ST7: variants seen among roughly 807,000 people sequenced by gnomAD.
ST7 encodes the protein suppressor of tumorigenicity 7 protein.
Under a neutral mutation model 78.7 loss-of-function variants are expected in ST7, and 28 were observed. The observed-to-expected ratio is 0.36, with a 90% CI of 0.26 to 0.49. The LOEUF is 0.49. ST7 is among the 20% of genes least tolerant of loss of function. ST7 has a pLI of 0.99. For synonymous variants in ST7, 247 were observed against 249.6 expected, an observed-to-expected ratio of 0.99 and a Z score of 0.10; for missense variants, 418 against 696.0, an observed-to-expected ratio of 0.60 and a Z score of 4.49.
chr7:116,997,712 C>G (rs1794730876), intron 1 of ST7, among the ~76,000 whole-genome samples: 1 of 152,178 alleles, frequency 6.6e-6, no homozygotes, highest in Non-Finnish European at 1.5e-5. Flanking sequence ...GTTTACAAAC[C>G]TTGAGCTAGA....
Position 116,953,672 on chromosome 7 carries a change from C to T in ST7, c.132C>T (p.Ile44=). 3 of 1,497,088 alleles carry T rather than the reference C, an allele frequency of 2.0e-6. No homozygotes were observed. The highest frequency in any genetic ancestry group is 2.7e-6 in the Non-Finnish European group (3 of 1,109,990). 92.7% of individuals were successfully genotyped at this position (1,497,088 alleles called of 1,614,324 possible). A position where few individuals can be genotyped will look rare whatever the true frequency, so the allele number is the denominator to read the frequency against. The change falls in exon 1 of 16, where the codon ATC becomes ATT. Residue 44 remains isoleucine (I), a synonymous_variant. Transcript: ENST00000323984. ...LVYILRVPLK[I]NDNLSTVSMF... Reference sequence around the variant, plus strand: ...ACATCCTGCGGGTGCCTTTGAAAATCAACGACAACTTGAGCACAGGTAAGG... The same window carrying T: ...ACATCCTGCGGGTGCCTTTGAAAATTAACGACAACTTGAGCACAGGTAAGG...
At chr7:116,958,239 T>C (rs1191464233) in intron 1 of ST7, among the ~76,000 whole-genome samples, 2 of 137,886 alleles carry the variant, frequency 1.5e-5, no homozygotes, top group East Asian at 4.5e-4. Context: ...GCAGTCCTAC[T>C]GCCTCCACCT....
chr7:117,107,799 G>C (rs1298132519), intron 2 of ST7, among the ~76,000 whole-genome samples: 1 of 151,684 alleles, frequency 6.6e-6, no homozygotes, highest in Non-Finnish European at 1.5e-5. Flanking sequence ...GTTTGTTAGA[G>C]ACAGGGTTTC....
chr7:117,139,541 G>T (rs1046693074), intron 9 of ST7, among the ~76,000 whole-genome samples: 3 of 152,004 alleles, frequency 2.0e-5, no homozygotes, highest in Non-Finnish European at 4.4e-5. Context: ...AACACTCAAC[G>T]CTCACCCCTG....
At chr7:117,090,232 T>C (rs975715393) in intron 1 of ST7, among the ~76,000 whole-genome samples, 1 of 143,708 alleles carries the variant, frequency 7.0e-6, no homozygotes, top group African/African-American at 2.6e-5. Context: ...AGTCTAAGGA[T>C]AGAAACACAC....
chr7:116,969,554 C>G (rs918331398), intron 1 of ST7, among the ~76,000 whole-genome samples: 1 of 152,060 alleles, frequency 6.6e-6, no homozygotes, highest in Admixed American at 6.6e-5. Flanking sequence ...GTAAAGTTAC[C>G]CTTTACTTCC....
intron 12 of ST7, among the ~76,000 whole-genome samples, chr7:117,204,901 A>C (rs2115953764): frequency 6.6e-6 from 1 of 152,252 alleles, no homozygotes; most frequent in East Asian, 1.9e-4. Flanking sequence ...GAGAGAGAAA[A>C]ATAAAAATGC....
intron 15 of ST7, chr7:117,222,946 C>T (rs763841379): frequency 6.2e-7 from 1 of 1,613,936 alleles, no homozygotes; most frequent in South Asian, 1.1e-5. Flanking sequence ...CTGGAAATCC[C>T]TCCGGCACCT....
intron 1 of ST7, among the ~76,000 whole-genome samples, chr7:117,087,751 C>T (rs1800270707): frequency 6.6e-6 from 1 of 152,186 alleles, no homozygotes. Context: ...GGCCCCACTT[C>T]ACCAACATGC....
At chr7:116,988,998 G>A (rs536328178) in intron 1 of ST7, among the ~76,000 whole-genome samples, 1 of 152,260 alleles carries the variant, frequency 6.6e-6, no homozygotes, top group African/African-American at 2.4e-5. Flanking sequence ...CTAGCATAGA[G>A]GTATCCAACA....
At chr7:116,956,593 C>T in intron 1 of ST7, 1 of 471,194 alleles carries the variant, frequency 2.1e-6, no homozygotes, top group Non-Finnish European at 4.4e-6. Flanking sequence ...TCCATAGGCC[C>T]AGCTCTGTAC....
chr7:117,043,680 A>G (rs1389891080), intron 1 of ST7, among the ~76,000 whole-genome samples: 1 of 152,200 alleles, frequency 6.6e-6, no homozygotes, highest in Non-Finnish European at 1.5e-5. Context: ...CTACACCATC[A>G]TAAGACAAAG....
intron 9 of ST7, among the ~76,000 whole-genome samples, chr7:117,162,538 A>C (rs2117221623): frequency 6.7e-6 from 1 of 149,836 alleles, no homozygotes; most frequent in Admixed American, 6.6e-5. Context: ...ACGGATGAGG[A>C]AAATCCCATC....
rs1298697064 is a variant in ST7 at position 116,997,950 on chromosome 7, T to G, written c.151+44259T>G. Among the ~76,000 whole-genome samples, 7 of 152,378 alleles carry G rather than the reference T, an allele frequency of 4.6e-5. No homozygotes were observed. The East Asian group carries it at 1.3e-3, about 29-fold the overall frequency. ...TGGCTTCACCTAGTGGATCCCGCAC[T>G]GGGGCTGCAGGTGGAGCTGCCTGCT... is the stretch of plus-strand genomic sequence containing the variant. On this transcript the variant is annotated intron_variant, in intron 1 of 15. Transcript: ENST00000323984.
At chr7:117,062,416 T>C (rs1253472486) in intron 1 of ST7, among the ~76,000 whole-genome samples, 3 of 152,226 alleles carry the variant, frequency 2.0e-5, no homozygotes, top group Non-Finnish European at 2.9e-5. Flanking sequence ...TGTGCTCTCA[T>C]GGAGATCAGA....
At chr7:116,955,265 G>A in intron 1 of ST7, 1 of 362,476 alleles carries the variant, frequency 2.8e-6, no homozygotes, top group Non-Finnish European at 5.4e-6. Context: ...AGTCTGTTTT[G>A]TGCTGCTGTA....
intron 2 of ST7, among the ~76,000 whole-genome samples, chr7:117,116,906 A>G (rs1389862294): frequency 6.6e-6 from 1 of 152,266 alleles, no homozygotes; most frequent in African/African-American, 2.4e-5. Context: ...CCCATTTGAT[A>G]GACTACTACT....
chr7:117,171,946 CT>C (rs35780344), intron 10 of ST7, among the ~76,000 whole-genome samples: 5,825 of 132,702 alleles, frequency 0.044, 103 homozygotes, highest in Non-Finnish European at 0.05. Flanking sequence ...CCATTTGGGT[CT>C]TTTTTTTTTT....
chr7:117,227,687 G>A (rs1423805189), intron 15 of ST7, among the ~76,000 whole-genome samples: 1 of 152,178 alleles, frequency 6.6e-6, no homozygotes, highest in Non-Finnish European at 1.5e-5. Flanking sequence ...TGCTTTCAGA[G>A]TAATTGGGCA....
Sources: allele counts gnomAD v4.1 joint callset (sites outside exome capture counted in the v4.1 genomes callset), GRCh38; gene constraint gnomAD v4.1.1; transcripts MANE v1.5; gene names NCBI Gene and HGNC (gene_info 2026-07-23, HGNC 2026-07-21).